Variants in ARSB observed in about 807,000 individuals in gnomAD.
ARSB encodes arylsulfatase B.
Under a neutral mutation model 50.9 loss-of-function variants are expected in ARSB, and 41 were observed. The observed-to-expected ratio is 0.81, with a 90% confidence interval of 0.63 to 1.04. The LOEUF is 1.04. ARSB is among the 50% of genes least tolerant of loss of function. The probability of loss-of-function intolerance (pLI) is 0.00; values close to 1 mark genes in which losing one functional copy is unlikely to be tolerated. For synonymous variants in ARSB, 269 were observed against 284.8 expected (o/e 0.94, Z 0.56); for missense variants, 672 against 693.3 (o/e 0.97, Z 0.35).
intron 4 of ARSB, among the ~76,000 whole-genome samples, chr5:78,955,034 C>T (rs1339474857): frequency 2.0e-5 from 3 of 152,134 alleles, no homozygotes; most frequent in African/African-American, 7.2e-5. Context: ...TGAGTGATGT[C>T]CACTCATACT....
intron 4 of ARSB, among the ~76,000 whole-genome samples, chr5:78,904,684 T>C (rs1378315488): frequency 5.5e-5 from 7 of 127,022 alleles, no homozygotes; most frequent in Non-Finnish European, 1.1e-4. Flanking sequence ...TTTCTTTCTT[T>C]CTTTTTTTTT....
chr5:78,858,057 G>A (rs1746241099), intron 5 of ARSB, among the ~76,000 whole-genome samples: 1 of 152,162 alleles, frequency 6.6e-6, no homozygotes, highest in African/African-American at 2.4e-5. Flanking sequence ...CAGGTGACAG[G>A]ACTGGGTTTG....
At chr5:78,880,750 A>T (rs1747706610) in intron 5 of ARSB, among the ~76,000 whole-genome samples, 1 of 152,230 alleles carries the variant, frequency 6.6e-6, no homozygotes, top group Non-Finnish European at 1.5e-5. Flanking sequence ...AAGAATGTGT[A>T]ATCAATTTCT....
intron 6 of ARSB, among the ~76,000 whole-genome samples, chr5:78,815,099 A>C (rs1743941291): frequency 6.6e-6 from 1 of 151,048 alleles, no homozygotes; most frequent in Admixed American, 6.6e-5. Flanking sequence ...TTGTGCCTGT[A>C]AGTTTAATCA....
chr5:78,849,918 T>C, intron 5 of ARSB, among the ~76,000 whole-genome samples: 1 of 151,310 alleles, frequency 6.6e-6, no homozygotes, highest in Non-Finnish European at 1.5e-5. Context: ...TTTTGCATCC[T>C]GAGACTTTGC....
In ARSB at chr5:78,932,473, AC is replaced by A. The variant is rs1292788889; in HGVS notation, c.898+22821del. ...ACATTGTGTGGGGATTGTCTCTAAA[AC>A]CCTTTCCAGCTCTATCTTTCTAGAA... On this transcript the variant is annotated intron_variant, in intron 4 of 7. Transcript: ENST00000264914. Among the ~76,000 whole-genome samples the A allele has an allele frequency of 2.0e-5, 3 of 151,930 alleles. No individual in the cohort carries two copies. The East Asian group carries it at 5.8e-4, about 29-fold the overall frequency.
Position 78,896,515 on chromosome 5 carries a change from G to T in ARSB, c.899-10688C>A, listed in dbSNP as rs540012039. Among the ~76,000 whole-genome samples, 20 of 152,348 alleles carry T rather than the reference G, an allele frequency of 1.3e-4. No individual in the cohort carries two copies. In the East Asian group the frequency reaches 3.7e-3, roughly 28 times the overall value. ...TTATATTCTTTGCAGATCTAAGTTTGTGCACTGAAATTTGTGATTACTATG... is the reference window on the plus strand; with the variant it reads ...TTATATTCTTTGCAGATCTAAGTTTTTGCACTGAAATTTGTGATTACTATG... On this transcript the variant is annotated intron_variant, in intron 4 of 7. Coordinates refer to ENST00000264914, the MANE Select transcript of ARSB (RefSeq NM_000046.5).
At position 78,778,910 on chromosome 5, in the gene ARSB, T is replaced by C. The variant is rs1375055262; in HGVS notation, c.*1487A>G. On this transcript the variant is annotated 3_prime_UTR_variant, in exon 8 of 8. Coordinates refer to ENST00000264914, the MANE Select transcript of ARSB (RefSeq NM_000046.5). The stretch of plus-strand genomic sequence containing the variant: ...GTATATGCCTGTAGTTCCAGCTATT[T>C]GGGTGCCTGAGGTGGGAGAATCACT... The C allele has an allele frequency of 6.6e-6, 1 of 152,134 alleles. No homozygotes were observed. Among genetic ancestry groups the C allele is most frequent in the Non-Finnish European group, 1.5e-5 (1 of 68,028 alleles). The allele number at this position is 152,134 out of a possible 1,614,324, so 9.4% of individuals were successfully genotyped here.
intron 4 of ARSB, among the ~76,000 whole-genome samples, chr5:78,895,739 G>T (rs1324136322): frequency 6.6e-6 from 1 of 152,186 alleles, no homozygotes; most frequent in African/African-American, 2.4e-5. Context: ...GTCACCCTGT[G>T]ACCCTCAACC....
intron 4 of ARSB, among the ~76,000 whole-genome samples, chr5:78,945,272 C>T (rs1339391985): frequency 1.3e-5 from 2 of 152,158 alleles, no homozygotes; most frequent in Non-Finnish European, 2.9e-5. Flanking sequence ...CTCAGTGCAC[C>T]ACACCCATTG....
At chr5:78,818,596 CTCTTTTTTT>C (rs1255874548) in intron 6 of ARSB, among the ~76,000 whole-genome samples, 1 of 107,060 alleles carries the variant, frequency 9.3e-6, no homozygotes, top group Non-Finnish European at 1.8e-5. Flanking sequence ...TAAAATAAAG[CTCTTTTTTT>C]TTTTTTTTTT....
chr5:78,907,273 A>C lies in ARSB; in HGVS notation c.899-21446T>G, dbSNP rs374217200. The stretch of plus-strand genomic sequence containing the variant: ...CTTTGTACCTTTTTATTACACAGTG[A>C]GTTTGTTTTCCCAAAAGGAAAGAAA... On this transcript the variant is annotated intron_variant, in intron 4 of 7. Coordinates refer to ENST00000264914, the MANE Select transcript of ARSB (RefSeq NM_000046.5). Among the ~76,000 whole-genome samples, 18 of 152,220 alleles carry C rather than the reference A, an allele frequency of 1.2e-4. No individual in the cohort carries two copies. The East Asian group carries it at 1.5e-3, about 13-fold the overall frequency.
chr5:78,905,098 T>G (rs1363246449), intron 4 of ARSB, among the ~76,000 whole-genome samples: 1 of 152,226 alleles, frequency 6.6e-6, no homozygotes, highest in Non-Finnish European at 1.5e-5. Flanking sequence ...AGATATTGTG[T>G]TTTTCAGTTC....
intron 7 of ARSB, among the ~76,000 whole-genome samples, chr5:78,781,297 TTCTC>T (rs1228199342): frequency 9.2e-5 from 14 of 151,594 alleles, no homozygotes; most frequent in African/African-American, 3.2e-4. Flanking sequence ...CTACAGTTAA[TTCTC>T]TCTGTCTTTC....
intron 2 of ARSB, among the ~76,000 whole-genome samples, chr5:78,964,850 C>G (rs1443792812): frequency 7.2e-6 from 1 of 138,990 alleles, no homozygotes; most frequent in Non-Finnish European, 1.5e-5. Context: ...TCATGTAACA[C>G]TAACAGTTTT....
chr5:78,872,670 GA>G (rs1747266196), intron 5 of ARSB, among the ~76,000 whole-genome samples: 1 of 139,682 alleles, frequency 7.2e-6, no homozygotes, highest in Admixed American at 7.5e-5. Context: ...CTGTGGTGGG[GA>G]GGGGGAGGGG....
At chr5:78,898,257 C>A (rs894378619) in intron 4 of ARSB, among the ~76,000 whole-genome samples, 1 of 152,192 alleles carries the variant, frequency 6.6e-6, no homozygotes, top group Non-Finnish European at 1.5e-5. Context: ...CAGAGTGAGG[C>A]TCTGTCTCAA....
chr5:78,905,011 A>G (rs1453433241), intron 4 of ARSB, among the ~76,000 whole-genome samples: 1 of 152,040 alleles, frequency 6.6e-6, no homozygotes, highest in Non-Finnish European at 1.5e-5. Context: ...ATTTCTATTG[A>G]TCTATCTTGA....
intron 6 of ARSB, among the ~76,000 whole-genome samples, chr5:78,800,771 T>C (rs1743359990): frequency 6.6e-6 from 1 of 152,188 alleles, no homozygotes; most frequent in African/African-American, 2.4e-5. Context: ...ATTTAAGCAT[T>C]AATTACTTTG....
Sources: allele counts gnomAD v4.1 joint callset (sites outside exome capture counted in the v4.1 genomes callset), GRCh38; gene constraint gnomAD v4.1.1; transcripts MANE v1.5; gene names NCBI Gene and HGNC (gene_info 2026-07-23, HGNC 2026-07-21).